The following DYDC2 variants were observed in gnomAD, a reference collection of about 807,000 sequenced individuals.
DYDC2 encodes DPY30 domain containing 2.
A neutral mutation model predicts 18.7 loss-of-function variants in DYDC2; 19 were observed. The ratio of observed to expected loss-of-function variants is 1.02; its 90% CI spans 0.71 to 1.49. The LOEUF is 1.49. Among genes scored for constraint, DYDC2 ranks in the 40% most tolerant of loss-of-function variants. The probability of loss-of-function intolerance (pLI) is 0.00; values close to 1 mark genes in which losing one functional copy is unlikely to be tolerated. For synonymous variants in DYDC2, 63 were observed against 67.6 expected, an observed-to-expected ratio of 0.93 and a Z score of 0.34; for missense variants, 179 against 205.1, an observed-to-expected ratio of 0.87 and a Z score of 0.78.
intron 2 of DYDC2, among the ~76,000 whole-genome samples, chr10:80,360,894 C>T (rs1283280490): frequency 1.3e-5 from 2 of 151,800 alleles, no homozygotes; most frequent in Non-Finnish European, 2.9e-5. Context: ...CCCCCAACCC[C>T]TCCAAGTAGC....
chr10:80,364,138 T>G (rs1038602117), intron 4 of DYDC2, among the ~76,000 whole-genome samples: 1 of 152,256 alleles, frequency 6.6e-6, no homozygotes, highest in Non-Finnish European at 1.5e-5. Flanking sequence ...CAGCATTTGT[T>G]AGCTTCCAAG....
At chr10:80,356,647 G>A (rs1843386617), upstream of DYDC2, 2 of 984,712 alleles carry the variant, frequency 2.0e-6, no homozygotes, top group African/African-American at 1.7e-5. Flanking sequence ...GCCTCTGCCC[G>A]CCGGACCCAG....
At chr10:80,365,444 G>T (rs1843798152) in intron 4 of DYDC2, among the ~76,000 whole-genome samples, 1 of 152,202 alleles carries the variant, frequency 6.6e-6, no homozygotes, top group Non-Finnish European at 1.5e-5. Flanking sequence ...TGTTTATAAA[G>T]ATCTAAACTA....
upstream of DYDC2, among the ~76,000 whole-genome samples, chr10:80,355,290 TA>T (rs766354640): frequency 1.3e-5 from 2 of 151,728 alleles, no homozygotes; most frequent in Non-Finnish European, 2.9e-5. Flanking sequence ...GGTCCGTCCA[TA>T]ACCCCCAATT....
chr10:80,352,888 T>A (rs1029436950), upstream of DYDC2, among the ~76,000 whole-genome samples: 2 of 152,216 alleles, frequency 1.3e-5, no homozygotes, highest in African/African-American at 4.8e-5. Context: ...ATTCCAAGTT[T>A]ACTTGATGCC....
chr10:80,359,131 ATTTTACAGAGAGCTGATTGCTCTG>A (rs973444036), intron 2 of DYDC2, among the ~76,000 whole-genome samples: 2 of 152,100 alleles, frequency 1.3e-5, no homozygotes, highest in African/African-American at 2.4e-5. Context: ...TGATTGGTTC[ATTTTACAGAGAGCTGATTGCTCTG>A]TTTTACAGAG....
chr10:80,363,127 C>A (rs1843714283), intron 4 of DYDC2, 54 bp downstream of exon 4: 2 of 1,564,902 alleles, frequency 1.3e-6, no homozygotes, highest in East Asian at 2.3e-5. Context: ...TGATGGACTC[C>A]AGGAAAGCCA....
Position 80,357,878 on chromosome 10 carries a change from A to G in DYDC2, c.-162-15A>G. On this transcript the variant is annotated splice_polypyrimidine_tract_variant and intron_variant, in intron 1 of 4. Coordinates refer to ENST00000256039, the MANE Select transcript of DYDC2 (RefSeq NM_032372.6). The stretch of plus-strand genomic sequence containing the variant: ...GCAGAACTCTCTCAATGAATAAGTC[A>G]AGAAATATTTACAGAGCTCCCAGTG... 1.0e-6 allele frequency: 1 copy of G among 985,574 alleles called. No individual in the cohort carries two copies. Among genetic ancestry groups the G allele is most frequent in the Non-Finnish European group, 1.2e-6 (1 of 830,040 alleles). The allele number at this position is 985,574 out of a possible 1,614,324, so 61.1% of individuals were successfully genotyped here. A position where few individuals can be genotyped will look rare whatever the true frequency, so the allele number is the denominator to read the frequency against.
chr10:80,345,502 G>A (rs970353851), intron 1 of DYDC2, among the ~76,000 whole-genome samples: 4 of 152,146 alleles, frequency 2.6e-5, no homozygotes, highest in South Asian at 4.2e-4. Context: ...TCCTCATGCT[G>A]TACTTTAGAT....
chr10:80,357,367 G>A (rs1157402815), intron 1 of DYDC2, among the ~76,000 whole-genome samples: 1 of 151,986 alleles, frequency 6.6e-6, no homozygotes, highest in African/African-American at 2.4e-5. Context: ...GTGAGCCGAG[G>A]AGACTTGCTA....
chr10:80,354,945 G>A (rs1033889469), upstream of DYDC2, among the ~76,000 whole-genome samples: 2 of 152,044 alleles, frequency 1.3e-5, no homozygotes, highest in Admixed American at 6.5e-5. Context: ...GCTTATAGAT[G>A]AGAAAGGAAG....
chr10:80,359,409 T>C (rs1385692069), intron 2 of DYDC2, among the ~76,000 whole-genome samples: 5 of 152,206 alleles, frequency 3.3e-5, no homozygotes, highest in Non-Finnish European at 7.4e-5. Flanking sequence ...AAGTCTCCAC[T>C]AGACTCAGGA....
chr10:80,359,865 G>T (rs987423607), intron 2 of DYDC2, among the ~76,000 whole-genome samples: 1 of 152,102 alleles, frequency 6.6e-6, no homozygotes, highest in Admixed American at 6.5e-5. Flanking sequence ...TCCCGCCCGC[G>T]CCTCTCCCTC....
chr10:80,347,305 TGCTATTGA>T (rs1842724304), intron 1 of DYDC2, among the ~76,000 whole-genome samples: 3 of 105,612 alleles, frequency 2.8e-5, no homozygotes, highest in East Asian at 3.0e-4. Flanking sequence ...TTTTTTTTTT[TGCTATTGA>T]GTTTGCATTC....
At chr10:80,355,168 A>G (rs1843284811), upstream of DYDC2, among the ~76,000 whole-genome samples, 1 of 151,874 alleles carries the variant, frequency 6.6e-6, no homozygotes, top group South Asian at 2.1e-4. Flanking sequence ...AGGCCCTGAT[A>G]TAGGAATGAG....
chr10:80,366,177 C>T (rs1021890093), intron 4 of DYDC2, among the ~76,000 whole-genome samples: 35 of 151,758 alleles, frequency 2.3e-4, no homozygotes, highest in Non-Finnish European at 3.5e-4. Flanking sequence ...GGATTACAGG[C>T]GCCCGCCACC....
Position 80,363,064 on chromosome 10 carries a change from G to C in DYDC2, c.261G>C (p.Lys87Asn). ...ATCAGATTCAACAGAACTGTGAAAAGTGTCACAAGGTAGGGAGAAGGACTC... is the reference window on the plus strand; with the variant it reads ...ATCAGATTCAACAGAACTGTGAAAACTGTCACAAGGTAGGGAGAAGGACTC... The part of the protein sequence containing the change: ...EEYQIQQNCE[K>N]CHKELTSETV... Residue 87 changes from lysine to asparagine, a missense_variant, in exon 4 of 5, where the codon AAG (lysine) becomes AAC (asparagine). Transcript: ENST00000256039. 1 of 1,612,400 alleles carries C rather than the reference G, an allele frequency of 6.2e-7. No homozygotes were observed. The highest frequency in any genetic ancestry group is 8.5e-7 in the Non-Finnish European group (1 of 1,179,370).
Position 80,358,739 on chromosome 10 carries a change from TCAA to T in DYDC2, c.-10+698_-10+700del, listed in dbSNP as rs1843554397. 2.6e-5 allele frequency among the ~76,000 whole-genome samples: 4 copies of T among 152,186 alleles called. No individual in the cohort carries two copies. In the South Asian group the frequency reaches 6.2e-4, roughly 24 times the overall value. The stretch of plus-strand genomic sequence containing the variant: ...GTGGTGGGACCTGAGATTCTGCATC[TCAA>T]CAAGTCCCAATGTGTCCAGAATTGG... On this transcript the variant is annotated intron_variant, in intron 2 of 4. Transcript: ENST00000256039.
chr10:80,358,846 G>A (rs1843561663), intron 2 of DYDC2, among the ~76,000 whole-genome samples: 1 of 152,184 alleles, frequency 6.6e-6, no homozygotes, highest in African/African-American at 2.4e-5. Flanking sequence ...AAGGCGGCGT[G>A]TCCAGAGTTC....
Sources: allele counts gnomAD v4.1 joint callset (sites outside exome capture counted in the v4.1 genomes callset), GRCh38; gene constraint gnomAD v4.1.1; transcripts MANE v1.5; gene names NCBI Gene and HGNC (gene_info 2026-07-23, HGNC 2026-07-21).